Variants in PYGO1 observed in about 807,000 individuals in gnomAD.
The protein encoded by PYGO1 is pygopus homolog 1.
Under a neutral mutation model 29.5 loss-of-function variants are expected in PYGO1, and 6 were observed. The observed-to-expected ratio is 0.20, with a 90% CI of 0.11 to 0.40. The LOEUF (loss-of-function observed/expected upper bound fraction) is 0.40. PYGO1 is among the 10% of genes least tolerant of loss of function. The pLI, the probability that PYGO1 is intolerant of heterozygous loss-of-function variation, is 1.00. For missense variants in PYGO1, 515 were observed against 514.9 expected, an observed-to-expected ratio of 1.00 and a Z score of 0.00; for synonymous variants, 186 against 180.5, an observed-to-expected ratio of 1.03 and a Z score of -0.24.
At chr15:55,557,930 C>T (rs980558201) in intron 1 of PYGO1, among the ~76,000 whole-genome samples, 7 of 152,164 alleles carry the variant, frequency 4.6e-5, no homozygotes, top group Non-Finnish European at 7.3e-5. Context: ...TGAAAACTGG[C>T]ACAAGACAGG....
intron 1 of PYGO1, among the ~76,000 whole-genome samples, chr15:55,551,926 T>C (rs2058880555): frequency 1.3e-5 from 2 of 152,274 alleles, no homozygotes; most frequent in African/African-American, 4.8e-5. Context: ...AGAAGGTTGA[T>C]TCAGCATATT....
chr15:55,571,584 C>T (rs566034809), intron 1 of PYGO1, among the ~76,000 whole-genome samples: 34 of 152,282 alleles, frequency 2.2e-4, no homozygotes, highest in Non-Finnish European at 4.3e-4. Context: ...TCCCTGCACA[C>T]GCTCTCTCTT....
intron 1 of PYGO1, among the ~76,000 whole-genome samples, chr15:55,571,664 C>T (rs776616489): frequency 6.6e-5 from 10 of 152,174 alleles, no homozygotes; most frequent in Non-Finnish European, 1.5e-4. Flanking sequence ...GGGGCCTCTC[C>T]AGCCACATGG....
intron 1 of PYGO1, among the ~76,000 whole-genome samples, chr15:55,584,319 C>T (rs1363058619): frequency 6.6e-6 from 1 of 151,950 alleles, no homozygotes; most frequent in African/African-American, 2.4e-5. Flanking sequence ...GGTTGTCGTC[C>T]AGGCTGTTCT....
chr15:55,548,727 AAAAAAAAAAAAAAAAAAAAAAAG>A (rs2058864349), intron 2 of PYGO1, among the ~76,000 whole-genome samples, 160 bp downstream of exon 2: 1 of 45,296 alleles, frequency 2.2e-5, no homozygotes, highest in African/African-American at 5.0e-5. Flanking sequence ...AAAAAAAAAA[AAAAAAAAAAAAAAAAAAAAAAAG>A]AAAGTACCAT....
intron 1 of PYGO1, among the ~76,000 whole-genome samples, chr15:55,574,124 G>C (rs892370642): frequency 1.3e-5 from 2 of 152,126 alleles, no homozygotes; most frequent in Admixed American, 6.5e-5. Flanking sequence ...TTATGGTACA[G>C]CACTAAAGAT....
chr15:55,578,206 A>G (rs536459875), intron 1 of PYGO1, among the ~76,000 whole-genome samples: 1 of 152,296 alleles, frequency 6.6e-6, no homozygotes, highest in African/African-American at 2.4e-5. Flanking sequence ...TAACATTCCA[A>G]TATATAAATA....
intron 1 of PYGO1, 128 bp downstream of exon 1, chr15:55,587,707 T>C: frequency 8.4e-7 from 1 of 1,188,728 alleles, no homozygotes; most frequent in Non-Finnish European, 1.0e-6. Flanking sequence ...GGCCCCGGGG[T>C]GCCGGCGGGA....
chr15:55,547,827 C>T (rs2058859506), intron 2 of PYGO1, among the ~76,000 whole-genome samples: 1 of 152,252 alleles, frequency 6.6e-6, no homozygotes, highest in South Asian at 2.1e-4. Context: ...TTGCTTGTTA[C>T]AACCACAAGT....
At position 55,540,364 on chromosome 15, in the gene PYGO1, C is replaced by G. The variant is rs1450238817; in HGVS notation, c.*5659G>C. ...GATGTCTTTTTTGGTTGGGAAATATCAGCACAAGTTAAAAGTTACTATATA... is the reference window on the plus strand; with the variant it reads ...GATGTCTTTTTTGGTTGGGAAATATGAGCACAAGTTAAAAGTTACTATATA... On this transcript the variant is annotated 3_prime_UTR_variant, in exon 3 of 3. Coordinates refer to ENST00000563719, the MANE Select transcript of PYGO1 (RefSeq NM_001367806.1). The G allele has an allele frequency of 6.6e-6, 1 of 151,958 alleles. No individual in the cohort carries two copies. Among genetic ancestry groups the G allele is most frequent in the Non-Finnish European group, 1.5e-5 (1 of 67,918 alleles). The allele number at this position is 151,958 out of a possible 1,614,324, so 9.4% of individuals were successfully genotyped here. A position where few individuals can be genotyped will look rare whatever the true frequency, so the allele number is the denominator to read the frequency against.
chr15:55,579,706 A>C (rs774327352), intron 1 of PYGO1, among the ~76,000 whole-genome samples: 1 of 152,178 alleles, frequency 6.6e-6, no homozygotes, highest in Non-Finnish European at 1.5e-5. Context: ...ACTACTGAAC[A>C]GACATAATAT....
At chr15:55,587,807 C>G (rs1397173968) in intron 1 of PYGO1, 28 bp downstream of exon 1, 1 of 1,478,840 alleles carries the variant, frequency 6.8e-7, no homozygotes, top group Non-Finnish European at 9.0e-7. Context: ...CACCCCGGTT[C>G]CCCCAATCCG....
intron 1 of PYGO1, among the ~76,000 whole-genome samples, chr15:55,570,174 G>A (rs1008031848): frequency 3.3e-5 from 5 of 152,112 alleles, no homozygotes; most frequent in Admixed American, 3.3e-4. Context: ...GGGGCTGTTT[G>A]CCAGTGTTCT....
intron 1 of PYGO1, among the ~76,000 whole-genome samples, chr15:55,555,681 T>A (rs190267851): frequency 9.2e-5 from 14 of 151,990 alleles, no homozygotes; most frequent in Admixed American, 4.6e-4. Flanking sequence ...AATAATAAAA[T>A]TTTTTAAAAA....
chr15:55,551,439 C>T (rs563497999), intron 1 of PYGO1, among the ~76,000 whole-genome samples: 90 of 152,144 alleles, frequency 5.9e-4, no homozygotes, highest in African/African-American at 1.9e-3. Context: ...TACCTTGATA[C>T]CAAAGCCAGA....
intron 1 of PYGO1, among the ~76,000 whole-genome samples, chr15:55,570,162 T>C (rs977124288): frequency 6.6e-6 from 1 of 152,194 alleles, no homozygotes; most frequent in Non-Finnish European, 1.5e-5. Flanking sequence ...GATGCCATCA[T>C]GGGGGCTGTT....
At chr15:55,566,765 C>T (rs1266737470) in intron 1 of PYGO1, among the ~76,000 whole-genome samples, 1 of 152,188 alleles carries the variant, frequency 6.6e-6, no homozygotes, top group Non-Finnish European at 1.5e-5. Flanking sequence ...AGGTCTCACT[C>T]TATTGCCCAG....
chr15:55,571,722 T>C (rs1244138762), intron 1 of PYGO1, among the ~76,000 whole-genome samples: 1 of 152,130 alleles, frequency 6.6e-6, no homozygotes, highest in East Asian at 1.9e-4. Flanking sequence ...CATCCAGTCT[T>C]GGGTATGTCT....
rs887174668 is a variant in PYGO1 at position 55,545,322 on chromosome 15, G to A, written c.*701C>T. 2 of 152,126 alleles carry A rather than the reference G, an allele frequency of 1.3e-5. No homozygotes were observed. The highest frequency in any genetic ancestry group is 2.1e-4 in the South Asian group (1 of 4,818). 9.4% of individuals were successfully genotyped at this position (152,126 alleles called of 1,614,324 possible). A position where few individuals can be genotyped will look rare whatever the true frequency, so the allele number is the denominator to read the frequency against. On this transcript the variant is annotated 3_prime_UTR_variant, in exon 3 of 3. Coordinates refer to ENST00000563719, the MANE Select transcript of PYGO1 (RefSeq NM_001367806.1). ...CTAAATAGCACAACTGGGAACGTAC[G>A]TTATACCAACTTTACTAATTGCAGT...
Sources: allele counts gnomAD v4.1 joint callset (sites outside exome capture counted in the v4.1 genomes callset), GRCh38; gene constraint gnomAD v4.1.1; transcripts MANE v1.5; gene names NCBI Gene and HGNC (gene_info 2026-07-23, HGNC 2026-07-21).